The following CACNG3 variants were observed in gnomAD, a reference collection of about 807,000 sequenced individuals.
CACNG3 encodes the protein voltage-dependent calcium channel gamma-3 subunit.
A neutral mutation model predicts 28.5 loss-of-function variants in CACNG3; 3 were observed. That is an observed-to-expected ratio of 0.11 (90% confidence interval 0.05 to 0.27). The LOEUF (loss-of-function observed/expected upper bound fraction) is 0.27, where lower values mean the gene tolerates loss of function less well. Among genes scored for constraint, CACNG3 ranks in the 10% least tolerant of loss-of-function variants. The probability of loss-of-function intolerance (pLI) is 1.00; values close to 1 mark genes in which losing one functional copy is unlikely to be tolerated. For missense variants in CACNG3, 236 were observed against 414.4 expected (o/e 0.57, Z 3.74); for synonymous variants, 174 against 162.2 (o/e 1.07, Z -0.55).
At chr16:24,305,348 G>GTGTGTGTT (rs1437355453) in intron 1 of CACNG3, among the ~76,000 whole-genome samples, 1 of 150,568 alleles carries the variant, frequency 6.6e-6, no homozygotes, top group Non-Finnish European at 1.5e-5. Context: ...GTGTGTGTGT[G>GTGTGTGTT]TGTGTGTGTG....
intron 1 of CACNG3, among the ~76,000 whole-genome samples, chr16:24,327,496 CAT>C (rs1254269398): frequency 8.5e-4 from 97 of 113,702 alleles, no homozygotes; most frequent in African/African-American, 2.9e-3. Context: ...TGAATATATA[CAT>C]ATATATATAT....
chr16:24,267,036 G>C (rs1347389545), intron 1 of CACNG3, among the ~76,000 whole-genome samples: 1 of 148,838 alleles, frequency 6.7e-6, no homozygotes, highest in African/African-American at 2.5e-5. Flanking sequence ...GCACGATCTC[G>C]GCTTAGTACA....
At position 24,346,750 on chromosome 16, in the gene CACNG3, G is replaced by A; in HGVS notation, c.228G>A (p.Val76=). The A allele has an allele frequency of 6.2e-7, 1 of 1,614,062 alleles. No homozygotes were observed. Among genetic ancestry groups the A allele is most frequent in the South Asian group, 1.1e-5 (1 of 91,076 alleles). ...TCCLEGAFRG[V]CKKIDHFPED... Reference sequence around the variant, plus strand: ...TTTCCACAGGGGCTTTCCGAGGCGTGTGCAAGAAAATCGATCACTTCCCTG... The same window carrying A: ...TTTCCACAGGGGCTTTCCGAGGCGTATGCAAGAAAATCGATCACTTCCCTG... Residue 76 remains valine, a synonymous_variant, in exon 2 of 4, where the codon GTG becomes GTA. Transcript: ENST00000005284.
At chr16:24,317,648 A>AAAAGAAAGAAAAGAAAAGAAAGAAAG (rs1899390561) in intron 1 of CACNG3, among the ~76,000 whole-genome samples, 1 of 55,718 alleles carries the variant, frequency 1.8e-5, no homozygotes, top group Non-Finnish European at 3.3e-5. Context: ...GAAAGAAAAG[A>AAAAGAAAGAAAAGAAAAGAAAGAAAG]AAAGAAAGAA....
intron 1 of CACNG3, among the ~76,000 whole-genome samples, chr16:24,314,488 A>T (rs1361828555): frequency 2.6e-5 from 4 of 152,154 alleles, no homozygotes; most frequent in Non-Finnish European, 5.9e-5. Flanking sequence ...CCTTGATGTG[A>T]AAAAGGAAGG....
chr16:24,280,878 C>T (rs1039892355), intron 1 of CACNG3, among the ~76,000 whole-genome samples: 1 of 125,152 alleles, frequency 8.0e-6, no homozygotes, highest in African/African-American at 3.0e-5. Context: ...ATTTTGGGAA[C>T]ATTTTGTCTG....
intron 1 of CACNG3, among the ~76,000 whole-genome samples, chr16:24,260,792 C>T (rs1327171092): frequency 2.0e-5 from 3 of 152,142 alleles, no homozygotes; most frequent in Admixed American, 2.0e-4. Flanking sequence ...TGTAGAGACA[C>T]CCACACTGGG....
chr16:24,349,183 G>A (rs925916323), intron 2 of CACNG3, among the ~76,000 whole-genome samples: 1 of 152,212 alleles, frequency 6.6e-6, no homozygotes, highest in Non-Finnish European at 1.5e-5. Flanking sequence ...CACAACCCTG[G>A]TGGGAATGGG....
chr16:24,310,834 C>A (rs1420901631), intron 1 of CACNG3, among the ~76,000 whole-genome samples: 1 of 152,108 alleles, frequency 6.6e-6, no homozygotes, highest in Non-Finnish European at 1.5e-5. Context: ...CCTGTATTCT[C>A]CCCACAGAGG....
At chr16:24,306,516 G>A (rs1899187745) in intron 1 of CACNG3, among the ~76,000 whole-genome samples, 1 of 152,122 alleles carries the variant, frequency 6.6e-6, no homozygotes, top group African/African-American at 2.4e-5. Context: ...CACCCATCTG[G>A]TATCTCCTTC....
At chr16:24,303,402 C>G (rs902484847) in intron 1 of CACNG3, among the ~76,000 whole-genome samples, 18 of 151,904 alleles carry the variant, frequency 1.2e-4, no homozygotes, top group African/African-American at 4.4e-4. Context: ...GTTGCCTAGG[C>G]TGGTCTTGAA....
intron 1 of CACNG3, among the ~76,000 whole-genome samples, chr16:24,257,363 A>AGGG (rs201769838): frequency 0.048 from 3,219 of 67,344 alleles, 726 homozygotes; most frequent in Non-Finnish European, 0.075. Flanking sequence ...GAAAGAAGTG[A>AGGG]GGGGGGAGAG....
At chr16:24,341,846 G>A (rs1899792185) in intron 1 of CACNG3, among the ~76,000 whole-genome samples, 1 of 152,218 alleles carries the variant, frequency 6.6e-6, no homozygotes, top group South Asian at 2.1e-4. Flanking sequence ...AGTCTAAAGA[G>A]GGCTGCTGAT....
intron 1 of CACNG3, among the ~76,000 whole-genome samples, chr16:24,305,843 A>T (rs1899178621): frequency 6.6e-6 from 1 of 152,128 alleles, no homozygotes; most frequent in African/African-American, 2.4e-5. Flanking sequence ...GAAGGAAAAA[A>T]ATTATTTTAT....
intron 1 of CACNG3, among the ~76,000 whole-genome samples, chr16:24,280,415 T>C (rs1325165371): frequency 6.6e-6 from 1 of 152,194 alleles, no homozygotes; most frequent in African/African-American, 2.4e-5. Context: ...GTTGTTTTCG[T>C]CCTTAAAACG....
chr16:24,281,979 G>A (rs1898835080), intron 1 of CACNG3, among the ~76,000 whole-genome samples: 1 of 152,158 alleles, frequency 6.6e-6, no homozygotes, highest in Admixed American at 6.5e-5. Flanking sequence ...GAGCCACTAT[G>A]CAAATTCAGG....
intron 1 of CACNG3, among the ~76,000 whole-genome samples, chr16:24,269,746 CAAAAAA>C (rs1163565728): frequency 1.4e-4 from 10 of 71,086 alleles, no homozygotes; most frequent in African/African-American, 3.9e-4. Flanking sequence ...GACTCCATCT[CAAAAAA>C]AAAAAAAAAA....
intron 1 of CACNG3, among the ~76,000 whole-genome samples, chr16:24,276,614 C>G (rs1222003003): frequency 1.3e-5 from 2 of 152,200 alleles, no homozygotes; most frequent in East Asian, 3.8e-4. Context: ...TTTTTGACTT[C>G]TCTTTAGTTG....
At position 24,331,197 on chromosome 16, in the gene CACNG3, C is replaced by T. The variant is rs117964628; in HGVS notation, c.212-15537C>T. 3.9e-3 allele frequency among the ~76,000 whole-genome samples: 597 copies of T among 152,122 alleles called. 1 individual carries two copies. Among genetic ancestry groups the T allele is most frequent in the Non-Finnish European group, 6.4e-3 (434 of 68,006 alleles). The stretch of plus-strand genomic sequence containing the variant: ...TCTTGGCTCTGAGGTCCAGGACTAA[C>T]CAGAATCAAAACCCTCAATAACCAA... On this transcript the variant is annotated intron_variant, in intron 1 of 3. Transcript: ENST00000005284.
Sources: allele counts gnomAD v4.1 joint callset (sites outside exome capture counted in the v4.1 genomes callset), GRCh38; gene constraint gnomAD v4.1.1; transcripts MANE v1.5; gene names NCBI Gene and HGNC (gene_info 2026-07-23, HGNC 2026-07-21).